The following SNTB1 variants were observed in gnomAD, a reference collection of about 807,000 sequenced individuals.
SNTB1 encodes syntrophin beta 1, also known as beta-1-syntrophin.
In SNTB1, 36 loss-of-function variants were observed where a neutral mutation model predicts 48.9. That is an observed-to-expected ratio of 0.74 (90% confidence interval 0.56 to 0.97). SNTB1 has a LOEUF of 0.97. Ranked by LOEUF, SNTB1 falls within the 50% of genes least tolerant of loss-of-function variation. SNTB1 has a pLI of 0.00. For synonymous variants in SNTB1, 299 were observed against 294.6 expected (o/e 1.01, Z -0.15); for missense variants, 786 against 703.4 (o/e 1.12, Z -1.33).
At chr8:120,788,967 C>A (rs190857822) in intron 1 of SNTB1, among the ~76,000 whole-genome samples, 1 of 152,126 alleles carries the variant, frequency 6.6e-6, no homozygotes, top group East Asian at 1.9e-4. Context: ...ACAAAACATT[C>A]TCCAAGAGAG....
At chr8:120,729,810 A>G (rs1318143308) in intron 1 of SNTB1, among the ~76,000 whole-genome samples, 1 of 152,220 alleles carries the variant, frequency 6.6e-6, no homozygotes, top group East Asian at 1.9e-4. Flanking sequence ...GATGCCACTG[A>G]AAAACATGCC....
chr8:120,679,857 A>G (rs1223384286), intron 2 of SNTB1, among the ~76,000 whole-genome samples: 1 of 95,470 alleles, frequency 1.0e-5, no homozygotes, highest in South Asian at 2.8e-4. Context: ...ATCTCTTGAG[A>G]TATTTTTTTT....
At chr8:120,540,630 A>G (rs1262441277) in intron 6 of SNTB1, among the ~76,000 whole-genome samples, 2 of 152,200 alleles carry the variant, frequency 1.3e-5, no homozygotes, top group Admixed American at 6.6e-5. Context: ...TTTATTTCCA[A>G]GTGGATGCCT....
At chr8:120,789,425 A>G (rs1563603074) in intron 1 of SNTB1, among the ~76,000 whole-genome samples, 1 of 151,448 alleles carries the variant, frequency 6.6e-6, no homozygotes, top group Non-Finnish European at 1.5e-5. Context: ...AAACCAAAAG[A>G]AAAAAAATCA....
At chr8:120,655,817 A>G (rs574310818) in intron 2 of SNTB1, among the ~76,000 whole-genome samples, 192 of 152,282 alleles carry the variant, frequency 1.3e-3, no homozygotes, top group African/African-American at 4.5e-3. Context: ...CTGAATGGCA[A>G]TTCTGAAGGA....
At chr8:120,561,709 A>G (rs1255328614) in intron 4 of SNTB1, among the ~76,000 whole-genome samples, 1 of 152,258 alleles carries the variant, frequency 6.6e-6, no homozygotes, top group Non-Finnish European at 1.5e-5. Context: ...GACTAAAATC[A>G]GTCCTATTTT....
intron 3 of SNTB1, among the ~76,000 whole-genome samples, chr8:120,590,690 T>C (rs565425720): frequency 6.7e-5 from 10 of 149,022 alleles, no homozygotes; most frequent in South Asian, 4.3e-4. Context: ...CTTTTCTTTT[T>C]TTTTTTTTTT....
chr8:120,696,094 A>G (rs1259724908), intron 1 of SNTB1, among the ~76,000 whole-genome samples: 1 of 152,208 alleles, frequency 6.6e-6, no homozygotes, highest in African/African-American at 2.4e-5. Context: ...AAACCATTTT[A>G]GTAGAAGCTA....
intron 1 of SNTB1, among the ~76,000 whole-genome samples, chr8:120,765,587 C>G (rs1819507637): frequency 6.6e-6 from 1 of 152,000 alleles, no homozygotes; most frequent in East Asian, 1.9e-4. Flanking sequence ...GGGAGGCAGA[C>G]AGGCAAAAAA....
chr8:120,587,221 A>AAAAAC (rs35819460), intron 3 of SNTB1, among the ~76,000 whole-genome samples: 44,921 of 150,846 alleles, frequency 0.3, 7,993 homozygotes, highest in African/African-American at 0.51. Flanking sequence ...ACTCTGTCTC[A>AAAAAC]AAAACAAAAC....
At chr8:120,574,951 G>A in intron 4 of SNTB1, 135 bp downstream of exon 4, 1 of 1,015,538 alleles carries the variant, frequency 9.8e-7, no homozygotes, top group Non-Finnish European at 1.4e-6. Flanking sequence ...GGCTAAAAAT[G>A]TGTGGCTATA....
At chr8:120,743,481 C>T (rs1351951321) in intron 1 of SNTB1, among the ~76,000 whole-genome samples, 2 of 152,144 alleles carry the variant, frequency 1.3e-5, no homozygotes, top group Non-Finnish European at 2.9e-5. Flanking sequence ...TGGAAAGTTG[C>T]ATAAGGGGTC....
At chr8:120,583,557 ACAC>A (rs1816084818) in intron 3 of SNTB1, among the ~76,000 whole-genome samples, 1 of 133,708 alleles carries the variant, frequency 7.5e-6, no homozygotes, top group African/African-American at 2.7e-5. Flanking sequence ...ACACACACAC[ACAC>A]AAAACTGGAA....
intron 2 of SNTB1, among the ~76,000 whole-genome samples, chr8:120,684,779 C>T (rs566133525): frequency 1.3e-4 from 20 of 151,722 alleles, no homozygotes; most frequent in Non-Finnish European, 2.4e-4. Flanking sequence ...CTCAGCCTCC[C>T]GAGTAGCTGG....
At chr8:120,590,409 C>T (rs1264764014) in intron 3 of SNTB1, among the ~76,000 whole-genome samples, 2 of 152,042 alleles carry the variant, frequency 1.3e-5, no homozygotes, top group Non-Finnish European at 2.9e-5. Context: ...ATAACAGTAT[C>T]TATTTCATAG....
At chr8:120,625,373 C>G (rs192029384) in intron 3 of SNTB1, among the ~76,000 whole-genome samples, 16 of 152,326 alleles carry the variant, frequency 1.1e-4, no homozygotes, top group East Asian at 9.6e-4. Context: ...ACACACCCCC[C>G]TGTCTTACAT....
intron 1 of SNTB1, among the ~76,000 whole-genome samples, chr8:120,797,017 C>T (rs1034851802): frequency 5.3e-5 from 8 of 151,928 alleles, no homozygotes; most frequent in Non-Finnish European, 1.2e-4. Flanking sequence ...TTTTACAAAC[C>T]ATTTTCTAAG....
In SNTB1 at chr8:120,793,602, G is replaced by A. The variant is rs77709154; in HGVS notation, c.571+17671C>T. On this transcript the variant is annotated intron_variant, in intron 1 of 6. Transcript: ENST00000517992. ...CCAGTTCAAAATCTTTTTTTCTTCC[G>A]GTGTCCTGGGTTTCTGAGAACCGGA... Among the ~76,000 whole-genome samples the A allele has an allele frequency of 4.3e-4, 65 of 151,942 alleles. No individual in the cohort carries two copies. The East Asian group carries it at 9.7e-3, about 23-fold the overall frequency.
At chr8:120,757,020 G>A (rs181392869) in intron 1 of SNTB1, among the ~76,000 whole-genome samples, 32 of 152,290 alleles carry the variant, frequency 2.1e-4, no homozygotes, top group Admixed American at 5.2e-4. Flanking sequence ...TGGGGTGCCA[G>A]GAATTGATAT....
Sources: gnomAD v4.1 joint callset for allele counts (sites outside exome capture counted in the v4.1 genomes callset) on GRCh38, gnomAD v4.1.1 for gene constraint, MANE v1.5 for transcripts, NCBI Gene and HGNC (gene_info 2026-07-23, HGNC 2026-07-21) for gene names.